NAV2: variants seen among roughly 807,000 people sequenced by gnomAD.
NAV2 encodes neuron navigator 2.
A neutral mutation model predicts 223.2 loss-of-function variants in NAV2; 54 were observed. The ratio of observed to expected loss-of-function variants is 0.24; its 90% CI spans 0.19 to 0.30. NAV2 has a LOEUF of 0.30. NAV2 is among the 10% of genes least tolerant of loss of function. The pLI is 1.00. For synonymous variants in NAV2, 1,279 were observed against 1,239.3 expected (o/e 1.03, Z -0.67); for missense variants, 2,806 against 3,147.5 (o/e 0.89, Z 2.60).
chr11:19,653,340 CT>C lies in NAV2; in HGVS notation c.76-179143del, dbSNP rs548748243. On this transcript the variant is annotated intron_variant, in intron 1 of 37. Transcript: ENST00000360655. ...GCGTGACAGTGAAAGTAAAAAAGTA[CT>C]GTGAATGCATAGGCAAGCTTCAGAG... Among the ~76,000 whole-genome samples, 386 of 152,302 alleles carry C rather than the reference CT, an allele frequency of 2.5e-3. 2 individuals carry two copies. Among genetic ancestry groups the C allele is most frequent in the Non-Finnish European group, 3.4e-3 (233 of 68,022 alleles).
At chr11:19,459,182 A>G (rs951269806) in intron 1 of NAV2, among the ~76,000 whole-genome samples, 1 of 152,238 alleles carries the variant, frequency 6.6e-6, no homozygotes, top group Non-Finnish European at 1.5e-5. Flanking sequence ...AAAGAAATGC[A>G]TTAGCTTGTG....
intron 2 of NAV2, among the ~76,000 whole-genome samples, chr11:19,838,348 G>T (rs558961028): frequency 1.3e-5 from 2 of 152,040 alleles, no homozygotes; most frequent in East Asian, 1.9e-4. Context: ...TCACAGAAAG[G>T]TTCCTCAAGG....
intron 5 of NAV2, among the ~76,000 whole-genome samples, chr11:19,886,600 C>T (rs2041000732): frequency 6.6e-6 from 1 of 152,206 alleles, no homozygotes; most frequent in Non-Finnish European, 1.5e-5. Flanking sequence ...GAGGGATGAG[C>T]TGGGAGGAAA....
rs906063066 is a variant in NAV2 at position 19,939,903 on chromosome 11, C to T, written c.2146+130C>T. ...TTGCATTGACTTTGAGCTAAACAAA[C>T]TTTCTTTCTTTTTTTTTTTCCTATT... On this transcript the variant is annotated intron_variant, in intron 8 of 37. Coordinates refer to ENST00000349880, the MANE Select transcript of NAV2 (RefSeq NM_145117.5). 10 of 400,312 alleles carry T rather than the reference C, an allele frequency of 2.5e-5. No individual in the cohort carries two copies. The African/African-American group carries it at 4.2e-4, about 17-fold the overall frequency. 24.8% of individuals were successfully genotyped at this position (400,312 alleles called of 1,614,324 possible).
At chr11:19,840,936 T>G (rs536464549) in intron 2 of NAV2, among the ~76,000 whole-genome samples, 5 of 152,318 alleles carry the variant, frequency 3.3e-5, no homozygotes, top group African/African-American at 1.2e-4. Flanking sequence ...CTTATGAAGT[T>G]TACAAGCTAG....
intron 1 of NAV2, among the ~76,000 whole-genome samples, chr11:19,593,175 C>A (rs1298986804): frequency 1.3e-5 from 2 of 152,060 alleles, no homozygotes; most frequent in Admixed American, 6.5e-5. Flanking sequence ...CCCCTGGCAA[C>A]CAACCATTAG....
intron 1 of NAV2, among the ~76,000 whole-genome samples, chr11:19,699,169 G>T (rs2049435715): frequency 6.6e-6 from 1 of 152,232 alleles, no homozygotes; most frequent in Non-Finnish European, 1.5e-5. Flanking sequence ...GTCAAATGGA[G>T]TGTCTTAGCA....
chr11:19,919,149 T>A (rs746457351), intron 6 of NAV2, among the ~76,000 whole-genome samples: 2 of 152,082 alleles, frequency 1.3e-5, no homozygotes, highest in African/African-American at 4.8e-5. Context: ...CCCAGTCATA[T>A]CCCTGGTTCC....
intron 1 of NAV2, among the ~76,000 whole-genome samples, chr11:19,753,999 G>A (rs1044698217): frequency 5.9e-5 from 9 of 152,236 alleles, no homozygotes; most frequent in African/African-American, 2.2e-4. Flanking sequence ...CACGTTACCA[G>A]CATAGCAATT....
chr11:20,033,718 C>CAGGTGATAAAAACAGA (rs2056035731), intron 11 of NAV2, among the ~76,000 whole-genome samples: 1 of 152,300 alleles, frequency 6.6e-6, no homozygotes, highest in East Asian at 1.9e-4. Flanking sequence ...GTGATGAAAA[C>CAGGTGATAAAAACAGA]AGGTTTTTAG....
Position 20,045,183 on chromosome 11 carries a change from G to C in NAV2, c.3415G>C (p.Gly1139Arg). Residue 1139 changes from glycine (G) to arginine (R), a missense_variant, in exon 14 of 38, where the codon GGG becomes CGG. Gly to Arg is a moderately radical substitution (Grantham distance 125). This residue lies in a region of NAV2 where 742 missense variants were observed against 777.9 expected (regional missense o/e 0.95). Transcript: ENST00000349880. ...AAGLAMITAS[G>R]VTVTSRSATL... ...CGGCCTGGCCATGATCACAGCCAGCGGGGTGACTGTCACCAGCAGGTCAGC... is the reference window on the plus strand; with the variant it reads ...CGGCCTGGCCATGATCACAGCCAGCCGGGTGACTGTCACCAGCAGGTCAGC... The C allele has an allele frequency of 6.2e-7, 1 of 1,614,142 alleles. No individual in the cohort carries two copies.
At chr11:19,859,137 CTT>C (rs569446282) in intron 3 of NAV2, among the ~76,000 whole-genome samples, 10,993 of 106,908 alleles carry the variant, frequency 0.1, 472 homozygotes, top group Admixed American at 0.14. Context: ...ATCATATTCT[CTT>C]TTTTTTTTTT....
At chr11:19,363,179 T>A (rs1157804637) in intron 1 of NAV2, among the ~76,000 whole-genome samples, 1 of 152,064 alleles carries the variant, frequency 6.6e-6, no homozygotes, top group Admixed American at 6.5e-5. Context: ...CCCCTCCCTA[T>A]GTCCATGTGT....
intron 1 of NAV2, among the ~76,000 whole-genome samples, chr11:19,573,383 A>G (rs1288000435): frequency 6.6e-6 from 1 of 152,160 alleles, no homozygotes; most frequent in Non-Finnish European, 1.5e-5. Context: ...CTTTGAAGTC[A>G]GGGATTTTGA....
Position 19,933,398 on chromosome 11 carries a change from G to A in NAV2, c.1154G>A (p.Arg385Lys), listed in dbSNP as rs1314318105. 2 of 1,580,318 alleles carry A rather than the reference G, an allele frequency of 1.3e-6. No individual in the cohort carries two copies. The highest frequency in any genetic ancestry group is 2.3e-5 in the South Asian group (2 of 87,048). ...AAGCCTCCTGGGCCTGAGGCCCCCA[G>A]GCCCACACCTGAAGCCATGAAGCCG... Reference protein sequence around the residue: ...SVKPPGPEAPRPTPEAMKPAP... With the variant: ...SVKPPGPEAPKPTPEAMKPAP... Residue 385 changes from arginine to lysine, a missense_variant, in exon 7 of 38, where the codon AGG (arginine) becomes AAG (lysine). Transcript: ENST00000349880. This position sits in a 1 kb window ranked among gnomAD's most constrained non-coding sequence, Gnocchi z 4.3.
intron 19 of NAV2, 31 bp downstream of exon 19, chr11:20,055,988 G>A: frequency 6.3e-7 from 1 of 1,590,750 alleles, no homozygotes; most frequent in Non-Finnish European, 8.6e-7. Flanking sequence ...GGTAAGGAAG[G>A]AAACTTCCAT....
chr11:19,540,301 C>A (rs1714971379), intron 1 of NAV2, among the ~76,000 whole-genome samples: 1 of 152,208 alleles, frequency 6.6e-6, no homozygotes, highest in African/African-American at 2.4e-5. Flanking sequence ...TTTCTAAAGA[C>A]AAGCCCAAGG....
chr11:20,082,962 G>A (rs772862937), intron 25 of NAV2, 45 bp from the exon 26 acceptor site: 3 of 1,568,778 alleles, frequency 1.9e-6, no homozygotes, highest in South Asian at 1.2e-5. Flanking sequence ...CAAGGCCTAA[G>A]CATTGGTTGC....
chr11:19,716,400 T>C (rs937770790), intron 1 of NAV2, among the ~76,000 whole-genome samples: 7 of 152,170 alleles, frequency 4.6e-5, no homozygotes, highest in Non-Finnish European at 8.8e-5. Flanking sequence ...ATTAGAGTTG[T>C]GAGCATTAAG....
Sources: gnomAD v4.1 joint callset for allele counts (sites outside exome capture counted in the v4.1 genomes callset) on GRCh38, gnomAD v4.1.1 for gene constraint, gnomAD v4.1.1 regional missense constraint, Gnocchi (gnomAD v3.1) non-coding constraint, MANE v1.5 for transcripts, NCBI Gene and HGNC (gene_info 2026-07-23, HGNC 2026-07-21) for gene names.